Variants in TENM2 observed in about 807,000 individuals in gnomAD.
TENM2 encodes the protein teneurin-2.
A neutral mutation model predicts 245.2 loss-of-function variants in TENM2; 52 were observed. The observed-to-expected ratio is 0.21, with a 90% confidence interval of 0.17 to 0.27. The LOEUF is 0.27. Ranked by LOEUF, TENM2 falls within the 10% of genes least tolerant of loss-of-function variation. TENM2 has a pLI of 1.00. For missense variants in TENM2, 3,046 were observed against 3,666.8 expected (o/e 0.83, Z 4.37); for synonymous variants, 1,363 against 1,438.9 (o/e 0.95, Z 1.19).
intron 2 of TENM2, among the ~76,000 whole-genome samples, chr5:167,582,956 A>G (rs1383377035): frequency 6.6e-6 from 1 of 152,204 alleles, no homozygotes; most frequent in African/African-American, 2.4e-5. Flanking sequence ...AAAATGTATT[A>G]GAAAATTGTG....
At chr5:167,910,584 A>G (rs1776469106) in intron 3 of TENM2, among the ~76,000 whole-genome samples, 1 of 152,216 alleles carries the variant, frequency 6.6e-6, no homozygotes, top group Non-Finnish European at 1.5e-5. Context: ...GTTCTTACAC[A>G]AAAAAGACCC....
chr5:167,950,710 C>T (rs560339312), intron 3 of TENM2, among the ~76,000 whole-genome samples: 8 of 152,192 alleles, frequency 5.3e-5, no homozygotes, highest in African/African-American at 1.7e-4. Context: ...ATTTCACCCC[C>T]CTTTCCCACC....
chr5:168,110,235 C>G (rs1180165158), intron 9 of TENM2, among the ~76,000 whole-genome samples: 2 of 151,914 alleles, frequency 1.3e-5, no homozygotes, highest in Admixed American at 6.6e-5. Flanking sequence ...GGATGGGGGA[C>G]AGGGAAAGGG....
At chr5:167,811,092 C>T (rs1766603182) in intron 2 of TENM2, among the ~76,000 whole-genome samples, 1 of 152,086 alleles carries the variant, frequency 6.6e-6, no homozygotes, top group South Asian at 2.1e-4. Context: ...TATATCGCTG[C>T]AAGGAGGAAG....
At chr5:167,933,253 T>G (rs1413568731) in intron 3 of TENM2, among the ~76,000 whole-genome samples, 1 of 152,236 alleles carries the variant, frequency 6.6e-6, no homozygotes, top group East Asian at 1.9e-4. Flanking sequence ...TGTTTGTTTG[T>G]TCTTTGTTAA....
chr5:167,779,332 C>T (rs532981047), intron 2 of TENM2, among the ~76,000 whole-genome samples: 32 of 152,236 alleles, frequency 2.1e-4, no homozygotes, highest in African/African-American at 6.3e-4. Flanking sequence ...AAGTCTTTAG[C>T]GACTGCAACC....
the TENM2 span, among the ~76,000 whole-genome samples, chr5:167,122,011 T>G: frequency 6.6e-6 from 1 of 152,318 alleles, no homozygotes; most frequent in South Asian, 2.1e-4. Flanking sequence ...TGGTAGGAAA[T>G]AGCTATAGCT....
chr5:167,140,556 A>T, the TENM2 span, among the ~76,000 whole-genome samples: 11 of 152,194 alleles, frequency 7.2e-5, no homozygotes, highest in African/African-American at 2.4e-4. Context: ...GAATTATTTC[A>T]TATTAATAAA....
At chr5:166,998,494 T>TA in the TENM2 span, among the ~76,000 whole-genome samples, 11 of 152,160 alleles carry the variant, frequency 7.2e-5, 1 homozygote, top group South Asian at 1.9e-3. Flanking sequence ...AATCAATTTA[T>TA]AAAAAAATAG....
chr5:167,908,933 G>C (rs1486645120), intron 3 of TENM2, among the ~76,000 whole-genome samples: 6 of 151,998 alleles, frequency 3.9e-5, no homozygotes, highest in African/African-American at 9.7e-5. Flanking sequence ...CTGCTGAATA[G>C]AGTGCCTTTC....
chr5:167,078,089 A>C, the TENM2 span, among the ~76,000 whole-genome samples: 64,868 of 151,650 alleles, frequency 0.43, 14,477 homozygotes, highest in African/African-American at 0.5. Flanking sequence ...TATATAATAT[A>C]AACTATAAGT....
chr5:167,323,570 A>G (rs886814753), intron 1 of TENM2, among the ~76,000 whole-genome samples: 3 of 152,182 alleles, frequency 2.0e-5, no homozygotes, highest in African/African-American at 7.2e-5. Context: ...ACTCACTGAT[A>G]ATAAAAATTG....
chr5:167,424,882 T>C (rs930259260), intron 2 of TENM2, among the ~76,000 whole-genome samples: 2 of 152,322 alleles, frequency 1.3e-5, no homozygotes, highest in African/African-American at 2.4e-5. Flanking sequence ...CTGGGAGTTA[T>C]AATGTTTCAT....
intron 7 of TENM2, among the ~76,000 whole-genome samples, chr5:168,081,625 G>A (rs1219423069): frequency 6.6e-6 from 1 of 152,168 alleles, no homozygotes; most frequent in Admixed American, 6.5e-5. Context: ...AGGCAGGCCT[G>A]GTGGTGACAA....
the TENM2 span, among the ~76,000 whole-genome samples, chr5:167,152,028 G>C: frequency 6.6e-6 from 1 of 152,078 alleles, no homozygotes; most frequent in East Asian, 1.9e-4. Context: ...TGGTATGTGG[G>C]GCCCAGTTTT....
At position 167,714,394 on chromosome 5, in the gene TENM2, G is replaced by A. The variant is rs556006623; in HGVS notation, c.503-161592G>A. 3.7e-4 allele frequency among the ~76,000 whole-genome samples: 56 copies of A among 152,212 alleles called. 1 individual carries two copies. In the South Asian group the frequency reaches 4.8e-3, roughly 13 times the overall value. On this transcript the variant is annotated intron_variant, in intron 2 of 28. Transcript: ENST00000518659. ...TCTCTGCTCTTTCTTCTGTTGTTTCGTGCATTGAGAATGGCATTGTTGGGT... is the reference window on the plus strand; with the variant it reads ...TCTCTGCTCTTTCTTCTGTTGTTTCATGCATTGAGAATGGCATTGTTGGGT...
At chr5:167,201,506 A>G in the TENM2 span, among the ~76,000 whole-genome samples, 1 of 152,198 alleles carries the variant, frequency 6.6e-6, no homozygotes, top group Admixed American at 6.5e-5. Context: ...ACTTGAACAA[A>G]TGGTGATTTT....
At chr5:167,529,925 T>G (rs1460164743) in intron 2 of TENM2, among the ~76,000 whole-genome samples, 2 of 152,130 alleles carry the variant, frequency 1.3e-5, no homozygotes, top group Non-Finnish European at 2.9e-5. Flanking sequence ...CTTCCAAAAT[T>G]CAATTCATTG....
intron 22 of TENM2, 48 bp downstream of exon 24, chr5:168,216,970 G>T (rs769921726): frequency 6.2e-7 from 1 of 1,601,538 alleles, no homozygotes; most frequent in Non-Finnish European, 8.5e-7. Flanking sequence ...CTGCCCCTTG[G>T]CCTGAGGTTC....
Sources: allele counts gnomAD v4.1 joint callset (sites outside exome capture counted in the v4.1 genomes callset), GRCh38; gene constraint gnomAD v4.1.1; transcripts MANE v1.5; gene names NCBI Gene and HGNC (gene_info 2026-07-23, HGNC 2026-07-21).